UTP4: variants seen among roughly 807,000 people sequenced by gnomAD.
The protein encoded by UTP4 is U3 small nucleolar RNA-associated protein 4 homolog.
In UTP4, 45 loss-of-function variants were observed where a neutral mutation model predicts 82.4. The ratio of observed to expected loss-of-function variants is 0.55; its 90% CI spans 0.43 to 0.70. The LOEUF (loss-of-function observed/expected upper bound fraction) is 0.70, where lower values mean the gene tolerates loss of function less well. Among genes scored for constraint, UTP4 ranks in the 30% least tolerant of loss-of-function variants. The pLI is 0.00. For missense variants in UTP4, 819 were observed against 858.3 expected (o/e 0.95, Z 0.57); for synonymous variants, 348 against 300.3 (o/e 1.16, Z -1.64).
At chr16:69,161,303 C>T in intron 13 of UTP4, among the ~76,000 whole-genome samples, 2 of 152,226 alleles carry the variant, frequency 1.3e-5, no homozygotes, top group East Asian at 3.8e-4. Context: ...CAGATTCGAA[C>T]TACCCAAAAC....
At chr16:69,165,712 C>A in intron 15 of UTP4, 186 bp downstream of exon 15, 1 of 674,372 alleles carries the variant, frequency 1.5e-6, no homozygotes, top group Non-Finnish European at 2.7e-6. Flanking sequence ...TTTGTGTTCC[C>A]ACAGTTCTTC....
At chr16:69,165,223 T>A in intron 14 of UTP4, 118 bp from the exon 15 acceptor site, 1 of 815,992 alleles carries the variant, frequency 1.2e-6, no homozygotes, top group Non-Finnish European at 2.0e-6. Context: ...TGGGAGAGCA[T>A]AGAATGAATA....
At position 69,147,001 on chromosome 16, in the gene UTP4, C is replaced by CAAAAAA. The variant is rs71148965; in HGVS notation, c.739-3522_739-3517dup. ...TGGGCGACAGAGCGAGACTCTGCCT[C>CAAAAAA]AAAAAAAAAAAAAAAAAAATACAAA... On this transcript the variant is annotated intron_variant, in intron 6 of 16. Transcript: ENST00000314423. 1.5e-4 allele frequency among the ~76,000 whole-genome samples: 13 copies of CAAAAAA among 85,778 alleles called. 1 individual carries two copies. The highest frequency in any genetic ancestry group is 4.2e-4 in the Admixed American group (3 of 7,208). The allele number at this position is 85,778 out of a possible 152,430, so 56.3% of individuals were successfully genotyped here.
At chr16:69,157,267 G>A in intron 12 of UTP4, 27 bp downstream of exon 12, 1 of 1,612,508 alleles carries the variant, frequency 6.2e-7, no homozygotes, top group Non-Finnish European at 8.5e-7. Flanking sequence ...TGGCCATGGG[G>A]AGACTTGTCG....
At chr16:69,159,919 T>C (rs1441330196) in intron 12 of UTP4, among the ~76,000 whole-genome samples, 2 of 146,706 alleles carry the variant, frequency 1.4e-5, no homozygotes, top group Non-Finnish European at 3.0e-5. Flanking sequence ...ATTTGGGAGT[T>C]GGAGGTTGGA....
intron 1 of UTP4, chr16:69,133,006 G>A (rs973502157): frequency 8.0e-6 from 2 of 250,338 alleles, no homozygotes; most frequent in Non-Finnish European, 1.6e-5. Flanking sequence ...CGGGGGGACG[G>A]GGTAGGGTAA....
chr16:69,159,770 C>A (rs1174301592), intron 12 of UTP4, among the ~76,000 whole-genome samples: 1 of 151,506 alleles, frequency 6.6e-6, no homozygotes, highest in Admixed American at 6.6e-5. Context: ...GGCGGATCAT[C>A]TGAGGTCAGG....
At chr16:69,143,046 T>A in intron 5 of UTP4, 132 bp from the exon 6 acceptor site, 1 of 858,800 alleles carries the variant, frequency 1.2e-6, no homozygotes, top group Admixed American at 1.9e-5. Context: ...TTCGTAGAGA[T>A]GAGGTCTCAC....
chr16:69,162,266 C>G (rs1963582739), intron 13 of UTP4, among the ~76,000 whole-genome samples: 1 of 150,366 alleles, frequency 6.7e-6, no homozygotes, highest in Non-Finnish European at 1.5e-5. Flanking sequence ...TGCGCCCGGC[C>G]AACCAATAGG....
chr16:69,163,819 A>T (rs1200812844), intron 14 of UTP4, among the ~76,000 whole-genome samples: 6 of 151,972 alleles, frequency 3.9e-5, no homozygotes, highest in African/African-American at 1.4e-4. Flanking sequence ...GATTAAATGT[A>T]ATCCAGGAAG....
At chr16:69,138,291 G>A (rs889111034) in intron 4 of UTP4, among the ~76,000 whole-genome samples, 5 of 151,112 alleles carry the variant, frequency 3.3e-5, no homozygotes, top group African/African-American at 7.3e-5. Flanking sequence ...GCTGGCAGTG[G>A]CGGTGGCATG....
At chr16:69,151,362 G>A (rs1233848459) in intron 8 of UTP4, among the ~76,000 whole-genome samples, 19 of 135,690 alleles carry the variant, frequency 1.4e-4, no homozygotes, top group African/African-American at 5.4e-4. Context: ...TCTCTCTGTC[G>A]CCCAGGCTGG....
At chr16:69,148,131 A>AT (rs886134427) in intron 6 of UTP4, among the ~76,000 whole-genome samples, 23 of 147,170 alleles carry the variant, frequency 1.6e-4, no homozygotes, top group South Asian at 4.3e-4. Flanking sequence ...AATTTTTTGT[A>AT]TTTTTTTTTT....
Position 69,162,941 on chromosome 16 carries a change from A to C in UTP4, c.1552-142A>C, listed in dbSNP as rs60790983. The C allele has an allele frequency of 1.1e-3, 793 of 742,588 alleles. 5 individuals are homozygous for C. Among genetic ancestry groups the C allele is most frequent in the African/African-American group, 9.6e-3 (557 of 57,732 alleles). The allele number at this position is 742,588 out of a possible 1,614,324, so 46.0% of individuals were successfully genotyped here. A position where few individuals can be genotyped will look rare whatever the true frequency, so the allele number is the denominator to read the frequency against. On this transcript the variant is annotated intron_variant, in intron 13 of 16. Coordinates refer to ENST00000314423, the MANE Select transcript of UTP4 (RefSeq NM_032830.3). ...GAAATGAAAGTTCATTGGTTGGGGA[A>C]ATGCCTGAAATTTTTGGAACTTCCC...
At chr16:69,163,371 A>T (rs952504606) in intron 14 of UTP4, among the ~76,000 whole-genome samples, 193 bp downstream of exon 14, 3 of 152,084 alleles carry the variant, frequency 2.0e-5, no homozygotes, top group African/African-American at 7.2e-5. Context: ...GTTTGATGGG[A>T]TGCAATTTAA....
chr16:69,158,176 T>TTTC lies in UTP4; in HGVS notation c.1444+938_1444+939insCTT, dbSNP rs1208247012. ...AAAGTCAACTCTTTTTTTTTTTTTT[T>TTTC]TTTTTTTTTTTTTTTGAGATGGCCT... is the stretch of plus-strand genomic sequence containing the variant. On this transcript the variant is annotated intron_variant, in intron 12 of 16. Transcript: ENST00000314423. 5.6e-5 allele frequency among the ~76,000 whole-genome samples: 7 copies of TTTC among 125,642 alleles called. No individual in the cohort carries two copies. The East Asian group carries it at 1.3e-3, about 24-fold the overall frequency. 82.4% of individuals were successfully genotyped at this position (125,642 alleles called of 152,430 possible).
chr16:69,144,383 T>A (rs1963053678), intron 6 of UTP4, among the ~76,000 whole-genome samples: 1 of 151,618 alleles, frequency 6.6e-6, no homozygotes, highest in Admixed American at 6.6e-5. Context: ...ATGTTTAGGC[T>A]TTCACCATGA....
chr16:69,160,259 A>G (rs1963529210), intron 12 of UTP4, 97 bp from the exon 13 acceptor site: 1 of 897,160 alleles, frequency 1.1e-6, no homozygotes, highest in Non-Finnish European at 1.9e-6. Context: ...GTGATTTAAA[A>G]CTCTAATGGT....
rs538321215 is a variant in UTP4, at chr16:69,143,286, T to C, written c.635T>C (p.Val212Ala). 4.8e-4 allele frequency: 780 copies of C among 1,614,204 alleles called. 6 individuals carry two copies. The South Asian group carries it at 8.1e-3, about 17-fold the overall frequency. The part of the protein sequence containing the change: ...AFLSDGTIIS[V>A]DSAGKVQFWD... ...TTGTCCGATGGCACTATCATAAGTG[T>C]GGACTCTGCTGGGAAGGTGCAGTTC... The change falls in exon 6 of 17, where the codon GTG becomes GCG. Residue 212 changes from valine (V) to alanine (A), a missense_variant. By Grantham distance (64) the Val-to-Ala change is moderately conservative. Coordinates refer to ENST00000314423, the MANE Select transcript of UTP4 (RefSeq NM_032830.3).
Sources: allele counts gnomAD v4.1 joint callset (sites outside exome capture counted in the v4.1 genomes callset), GRCh38; gene constraint gnomAD v4.1.1; transcripts MANE v1.5; gene names NCBI Gene and HGNC (gene_info 2026-07-23, HGNC 2026-07-21).